The following AGAP1 variants were observed in gnomAD, a reference collection of about 807,000 sequenced individuals.
AGAP1 encodes arf-GAP with GTPase, ANK repeat and PH domain-containing protein 1.
AGAP1 carries 29 observed loss-of-function variants against 105.3 expected under a neutral mutation model. The ratio of observed to expected loss-of-function variants is 0.28; its 90% confidence interval spans 0.21 to 0.38. AGAP1 has a LOEUF of 0.38. Ranked by LOEUF, AGAP1 falls within the 10% of genes least tolerant of loss-of-function variation. The pLI, the probability that AGAP1 is intolerant of heterozygous loss-of-function variation, is 1.00. For missense variants in AGAP1, 998 were observed against 1,165.1 expected (o/e 0.86, Z 2.09); for synonymous variants, 509 against 485.9 (o/e 1.05, Z -0.63).
At chr2:236,039,989 T>C (rs1211209558) in intron 14 of AGAP1, among the ~76,000 whole-genome samples, 2 of 152,058 alleles carry the variant, frequency 1.3e-5, no homozygotes, top group African/African-American at 4.8e-5. Flanking sequence ...CTCACACCTG[T>C]AATCTCAACA....
intron 1 of AGAP1, among the ~76,000 whole-genome samples, chr2:235,573,064 CTTCT>C (rs1944618349): frequency 1.0e-4 from 12 of 117,086 alleles, no homozygotes; most frequent in Non-Finnish European, 1.5e-4. Flanking sequence ...CTTCTTCTTT[CTTCT>C]TTCTTCTTTC....
In AGAP1 at chr2:235,615,882, A is replaced by G. The variant is rs1242283910; in HGVS notation, c.164-93297A>G. 6.6e-6 allele frequency among the ~76,000 whole-genome samples: 1 copy of G among 152,228 alleles called. No individual in the cohort carries two copies. Among genetic ancestry groups the G allele is most frequent in the East Asian group, 1.9e-4 (1 of 5,198 alleles). On this transcript the variant is annotated intron_variant, in intron 1 of 17. Transcript: ENST00000304032. The surrounding 1 kb of genome is among the most constrained non-coding windows in gnomAD (Gnocchi z 5.0). ...CAAACACTTGTAGCAAAATTAAAAG[A>G]CCAACAAAAATATGTATTACATATA...
At chr2:235,708,749 TAGACAAGCAAA>T (rs1950675147) in intron 1 of AGAP1, among the ~76,000 whole-genome samples, 1 of 152,174 alleles carries the variant, frequency 6.6e-6, no homozygotes, top group Non-Finnish European at 1.5e-5. Context: ...ACTATTGTAG[TAGACAAGCAAA>T]AGACCAAATG....
rs561623752 is a variant in AGAP1 at position 235,799,711 on chromosome 2, T to C, written c.957+189T>C. On this transcript the variant is annotated intron_variant, in intron 8 of 17. Coordinates refer to ENST00000304032, the MANE Select transcript of AGAP1 (RefSeq NM_001037131.3). The surrounding 1 kb of genome is among the most constrained non-coding windows in gnomAD (Gnocchi z 5.0). ...ATTTGGATGTTGAGTAGAATGGGAA[T>C]TTCTTCATGTAGACATTCCTGACTT... is the stretch of plus-strand genomic sequence containing the variant. 3.3e-5 allele frequency among the ~76,000 whole-genome samples: 5 copies of C among 152,186 alleles called. No individual in the cohort carries two copies. Among genetic ancestry groups the C allele is most frequent in the Non-Finnish European group, 7.3e-5 (5 of 68,044 alleles).
At position 235,971,016 on chromosome 2, in the gene AGAP1, C is replaced by T. The variant is rs2125357567; in HGVS notation, c.1645+2393C>T. On this transcript the variant is annotated intron_variant, in intron 13 of 17. Coordinates refer to ENST00000304032, the MANE Select transcript of AGAP1 (RefSeq NM_001037131.3). The surrounding 1 kb of genome is among the most constrained non-coding windows in gnomAD (Gnocchi z 4.8). ...TGGAAACTCCAATATTAGGAAATCA[C>T]AGGTGTCTCAAACATGGATGTGTAA... 6.6e-6 allele frequency among the ~76,000 whole-genome samples: 1 copy of T among 152,316 alleles called. No homozygotes were observed. The highest frequency in any genetic ancestry group is 2.1e-4 in the South Asian group (1 of 4,830).
intron 9 of AGAP1, among the ~76,000 whole-genome samples, chr2:235,812,291 C>T (rs560289199): frequency 3.9e-5 from 6 of 152,354 alleles, no homozygotes; most frequent in African/African-American, 1.4e-4. Context: ...CCTTCCCAAG[C>T]TGTCAGAGGA....
rs1179592493 is a variant in AGAP1, at chr2:236,127,723, C to G, written c.*3601C>G. ...GTCATTCCCTATATCTGCATAGGAG[C>G]TATTGCTAACCTTGTTAGGGAGAAA... On this transcript the variant is annotated 3_prime_UTR_variant, in exon 18 of 18. Transcript: ENST00000304032. This position sits in a 1 kb window ranked among gnomAD's most constrained non-coding sequence, Gnocchi z 6.6. 1 of 152,176 alleles carries G rather than the reference C, an allele frequency of 6.6e-6. No homozygotes were observed. The highest frequency in any genetic ancestry group is 1.5e-5 in the Non-Finnish European group (1 of 68,028). 9.4% of individuals were successfully genotyped at this position (152,176 alleles called of 1,614,324 possible). A position where few individuals can be genotyped will look rare whatever the true frequency, so the allele number is the denominator to read the frequency against.
chr2:235,709,771 T>C (rs565538966), intron 2 of AGAP1, among the ~76,000 whole-genome samples: 12 of 152,296 alleles, frequency 7.9e-5, no homozygotes, highest in South Asian at 4.1e-4. Context: ...TCGGTGAAAT[T>C]ATGTAGAGCT....
chr2:235,812,130 G>A (rs562525828), intron 9 of AGAP1, among the ~76,000 whole-genome samples: 1 of 152,278 alleles, frequency 6.6e-6, no homozygotes, highest in South Asian at 2.1e-4. Flanking sequence ...TGTGATGCTC[G>A]GTGGATGCAC....
At chr2:235,656,502 C>T (rs948924670) in intron 1 of AGAP1, among the ~76,000 whole-genome samples, 1 of 152,148 alleles carries the variant, frequency 6.6e-6, no homozygotes, top group Admixed American at 6.5e-5. Context: ...TGACTCATTC[C>T]GATTACCTGC....
chr2:235,547,134 A>G (rs1429867159), intron 1 of AGAP1, among the ~76,000 whole-genome samples: 2 of 152,144 alleles, frequency 1.3e-5, no homozygotes, highest in Non-Finnish European at 2.9e-5. Context: ...CTATGCTGCA[A>G]CACAGACCAG....
At chr2:235,765,778 G>C (rs1317103735) in intron 6 of AGAP1, among the ~76,000 whole-genome samples, 1 of 152,190 alleles carries the variant, frequency 6.6e-6, no homozygotes, top group Non-Finnish European at 1.5e-5. Context: ...AACGTTGTGA[G>C]TAAACCGTAA....
intron 1 of AGAP1, among the ~76,000 whole-genome samples, chr2:235,672,397 T>G (rs1275802003): frequency 6.6e-6 from 1 of 152,246 alleles, no homozygotes; most frequent in East Asian, 1.9e-4. Flanking sequence ...CTGACCTGTT[T>G]CACTAGTGAG....
rs1022914492 is a variant in AGAP1, at chr2:235,599,873, C to T, written c.163+105024C>T. On this transcript the variant is annotated intron_variant, in intron 1 of 17. Coordinates refer to ENST00000304032, the MANE Select transcript of AGAP1 (RefSeq NM_001037131.3). This position sits in a 1 kb window ranked among gnomAD's most constrained non-coding sequence, Gnocchi z 5.3. ...CTGGTGGAGGCAATGCTGGTACCCA[C>T]GACGTGGAGCCCTGAAGGATGAGGA... 6.6e-6 allele frequency among the ~76,000 whole-genome samples: 1 copy of T among 152,174 alleles called. No homozygotes were observed. Among genetic ancestry groups the T allele is most frequent in the East Asian group, 1.9e-4 (1 of 5,194 alleles).
In AGAP1 at chr2:235,629,755, GT is replaced by G. The variant is rs768666371; in HGVS notation, c.164-79423del. 1.7e-4 allele frequency among the ~76,000 whole-genome samples: 25 copies of G among 150,088 alleles called. No individual in the cohort carries two copies. In the East Asian group the frequency reaches 4.9e-3, roughly 30 times the overall value. On this transcript the variant is annotated intron_variant, in intron 1 of 17. Transcript: ENST00000304032. ...TAGCTGGACGTGGTGGCGTGTACTT[GT>G]AGTCCCAGCCCCTCTGGAGGATCCC... is the stretch of plus-strand genomic sequence containing the variant.
At chr2:235,890,041 G>T (rs1286719797) in intron 10 of AGAP1, among the ~76,000 whole-genome samples, 1 of 152,164 alleles carries the variant, frequency 6.6e-6, no homozygotes, top group African/African-American at 2.4e-5. Flanking sequence ...AAAGGCTTAG[G>T]AGGTGTTAGC....
At chr2:235,571,963 C>CAT (rs1278200342) in intron 1 of AGAP1, among the ~76,000 whole-genome samples, 1 of 37,242 alleles carries the variant, frequency 2.7e-5, no homozygotes, top group East Asian at 8.7e-4. Context: ...TGTGTGTATA[C>CAT]ATATATATGT....
intron 9 of AGAP1, among the ~76,000 whole-genome samples, chr2:235,859,259 AGTT>A (rs1185465063): frequency 6.6e-6 from 1 of 152,032 alleles, no homozygotes; most frequent in Admixed American, 6.6e-5. Flanking sequence ...ACCCATAAGA[AGTT>A]GTCAGAGAAG....
chr2:235,565,531 C>T (rs549707735), intron 1 of AGAP1, among the ~76,000 whole-genome samples: 2 of 152,322 alleles, frequency 1.3e-5, no homozygotes, highest in African/African-American at 4.8e-5. Context: ...AGGAACTAAC[C>T]AGGGATTCCT....
Sources: gnomAD v4.1 joint callset for allele counts (sites outside exome capture counted in the v4.1 genomes callset) on GRCh38, gnomAD v4.1.1 for gene constraint, Gnocchi (gnomAD v3.1) non-coding constraint, MANE v1.5 for transcripts, NCBI Gene and HGNC (gene_info 2026-07-23, HGNC 2026-07-21) for gene names.